CEP295: variants seen among roughly 807,000 people sequenced by gnomAD.
CEP295 encodes the protein centrosomal protein of 295 kDa.
Under a neutral mutation model 291.6 loss-of-function variants are expected in CEP295, and 190 were observed. The ratio of observed to expected loss-of-function variants is 0.65; its 90% confidence interval spans 0.58 to 0.73. The LOEUF (loss-of-function observed/expected upper bound fraction) is 0.73. CEP295 is among the 30% of genes least tolerant of loss of function. The pLI, the probability that CEP295 is intolerant of heterozygous loss-of-function variation, is 0.00. For synonymous variants in CEP295, 993 were observed against 1,038.8 expected, an observed-to-expected ratio of 0.96 and a Z score of 0.85; for missense variants, 2,863 against 2,949.4, an observed-to-expected ratio of 0.97 and a Z score of 0.68.
rs61738803 is a variant in CEP295 at position 93,729,731 on chromosome 11, A to C, written c.7517A>C (p.His2506Pro). The C allele has an allele frequency of 2.6e-6, 4 of 1,549,634 alleles. No individual in the cohort carries two copies. The highest frequency in any genetic ancestry group is 3.5e-6 in the Non-Finnish European group (4 of 1,145,546). ...CAGAAAGAAATAAGGAATAAAATTC[A>C]TGTCTCTGAAAATTCTCAAATCAAA... ...QRQKEIRNKIHVSENSQIKTV... is the reference protein window; with the variant it reads ...QRQKEIRNKIPVSENSQIKTV... The change falls in exon 27 of 30, where the codon CAT (histidine) becomes CCT (proline). Residue 2506 changes from histidine to proline, a missense_variant. Physicochemically the swap from His to Pro is moderately conservative, Grantham distance 77. Transcript: ENST00000325212.
intron 18 of CEP295, chr11:93,719,753 A>G (rs996557703): frequency 1.3e-5 from 2 of 152,204 alleles, no homozygotes; most frequent in Admixed American, 1.3e-4. Context: ...TGTTACATAA[A>G]CATTTAAGAA....
rs759511261 is a variant in CEP295, at chr11:93,666,584, ACT to A, written c.-26-95_-26-94del. On this transcript the variant is annotated intron_variant, in intron 1 of 29. Coordinates refer to ENST00000325212, the MANE Select transcript of CEP295 (RefSeq NM_033395.2). ...CCTCCAGCCTGGGTGACAGAGCAAG[ACT>A]CTGTCTCAAAAAAAAACAAACAAAA... 4 of 563,130 alleles carry A rather than the reference ACT, an allele frequency of 7.1e-6. No homozygotes were observed. In the South Asian group the frequency reaches 7.3e-5, roughly 10 times the overall value. The allele number at this position is 563,130 out of a possible 1,614,324, so 34.9% of individuals were successfully genotyped here.
chr11:93,684,134 A>T lies in CEP295; in HGVS notation c.1114+6A>T. ...ATGTTCTAGTGAAACAGATGGTAAA[A>T]ACCCTTCTGAGCTAAATATTACAGT... On this transcript the variant is annotated splice_donor_region_variant and intron_variant, in intron 9 of 29. Transcript: ENST00000325212. 6.5e-7 allele frequency: 1 copy of T among 1,549,870 alleles called. No individual in the cohort carries two copies. The highest frequency in any genetic ancestry group is 8.7e-7 in the Non-Finnish European group (1 of 1,146,118).
chr11:93,702,690 G>A (rs772554069), intron 16 of CEP295, 53 bp downstream of exon 16: 234 of 1,526,288 alleles, frequency 1.5e-4, no homozygotes, highest in Non-Finnish European at 1.8e-4. Context: ...CCTTGTTTTC[G>A]TCCCCTGTAG....
Position 93,696,424 on chromosome 11 carries a change from G to A in CEP295, c.1769+7G>A. 1.3e-6 allele frequency: 2 copies of A among 1,481,634 alleles called. No individual in the cohort carries two copies. Among genetic ancestry groups the A allele is most frequent in the Non-Finnish European group, 1.8e-6 (2 of 1,084,168 alleles). 91.8% of individuals were successfully genotyped at this position (1,481,634 alleles called of 1,614,324 possible). A position where few individuals can be genotyped will look rare whatever the true frequency, so the allele number is the denominator to read the frequency against. ...AGCTTTTACAACAAAACAGGTATTAGCTAGGGTATAATTTATATGTGATCG... is the reference window on the plus strand; with the variant it reads ...AGCTTTTACAACAAAACAGGTATTAACTAGGGTATAATTTATATGTGATCG... On this transcript the variant is annotated splice_region_variant and intron_variant, in intron 14 of 29. Transcript: ENST00000325212.
chr11:93,689,722 T>C (rs1444598283), intron 10 of CEP295, among the ~76,000 whole-genome samples: 2 of 152,196 alleles, frequency 1.3e-5, no homozygotes, highest in African/African-American at 4.8e-5. Context: ...TTTTGCTTAT[T>C]ATCTTAATGC....
At chr11:93,714,125 G>A (rs1953084190) in intron 18 of CEP295, among the ~76,000 whole-genome samples, 2 of 152,178 alleles carry the variant, frequency 1.3e-5, no homozygotes, top group Admixed American at 6.5e-5. Flanking sequence ...TGTCTGAAAT[G>A]TCACATATCT....
chr11:93,719,693 C>T (rs1333968100), intron 18 of CEP295: 2 of 152,012 alleles, frequency 1.3e-5, no homozygotes, highest in African/African-American at 4.8e-5. Context: ...CCTGTTCTCA[C>T]TACTGCACTT....
In CEP295 at chr11:93,724,326, T is replaced by TATC; in HGVS notation, c.6279_6281dup (p.Ser2095dup). On this transcript the variant is annotated inframe_insertion, in exon 22 of 30. Coordinates refer to ENST00000325212, the MANE Select transcript of CEP295 (RefSeq NM_033395.2). ...TTAGAACCACATCCAGATTTTGACT[T>TATC]ATCATCATCATCCTCTGGGATTTCT... 6.5e-7 allele frequency: 1 copy of TATC among 1,550,190 alleles called. No homozygotes were observed. The highest frequency in any genetic ancestry group is 8.7e-7 in the Non-Finnish European group (1 of 1,145,588).
At chr11:93,702,371 A>G in intron 15 of CEP295, 89 bp from the exon 16 acceptor site, 1 of 847,224 alleles carries the variant, frequency 1.2e-6, no homozygotes, top group Non-Finnish European at 1.7e-6. Context: ...TTTACGTTCT[A>G]ATTTAAGAAG....
intron 6 of CEP295, among the ~76,000 whole-genome samples, 195 bp downstream of exon 6, chr11:93,675,861 G>C (rs1177139572): frequency 6.6e-6 from 1 of 151,984 alleles, no homozygotes; most frequent in African/African-American, 2.4e-5. Flanking sequence ...AAAGAAACTA[G>C]TTGGCTATTT....
chr11:93,717,726 A>C (rs964688769), intron 18 of CEP295, among the ~76,000 whole-genome samples: 1 of 152,060 alleles, frequency 6.6e-6, no homozygotes, highest in African/African-American at 2.4e-5. Context: ...TGTGGTTACA[A>C]GGGGTCTCAT....
intron 10 of CEP295, 112 bp downstream of exon 10, chr11:93,687,977 G>C (rs1951328490): frequency 1.6e-6 from 1 of 641,328 alleles, no homozygotes; most frequent in South Asian, 3.1e-5. Flanking sequence ...ACATAATCCT[G>C]CTAATTAAAA....
intron 18 of CEP295, among the ~76,000 whole-genome samples, chr11:93,718,022 C>G (rs1953399921): frequency 3.3e-5 from 5 of 152,126 alleles, no homozygotes; most frequent in Non-Finnish European, 7.4e-5. Context: ...ATTGATCCTC[C>G]CACCTCAGCC....
chr11:93,693,687 T>G (rs185975655), intron 12 of CEP295, among the ~76,000 whole-genome samples: 1 of 151,936 alleles, frequency 6.6e-6, no homozygotes, highest in East Asian at 1.9e-4. Context: ...ACCCAAGAGG[T>G]GGAGGTTGCA....
At chr11:93,725,165 TG>T (rs1479205510) in intron 22 of CEP295, among the ~76,000 whole-genome samples, 1 of 151,790 alleles carries the variant, frequency 6.6e-6, no homozygotes, top group Non-Finnish European at 1.5e-5. Flanking sequence ...GAGAACCGCT[TG>T]AACCTGGGAG....
rs1404857599 is a variant in CEP295 at position 93,698,333 on chromosome 11, A to G, written c.3421A>G (p.Ile1141Val). Residue 1141 changes from isoleucine to valine, a missense_variant, in exon 15 of 30, where the codon ATA (isoleucine) becomes GTA (valine). Transcript: ENST00000325212. ...KENVGPSCHL[I>V]IPTFQDKSLS... is the part of the protein sequence containing the mutation. ...GAATGTAGGTCCCTCCTGTCATTTG[A>G]TAATCCCAACATTTCAGGATAAGTC... is the stretch of plus-strand genomic sequence containing the variant. 5.8e-6 allele frequency: 9 copies of G among 1,552,094 alleles called. No individual in the cohort carries two copies. The highest frequency in any genetic ancestry group is 7.8e-6 in the Non-Finnish European group (9 of 1,147,044).
At chr11:93,686,877 T>A (rs1951270356) in intron 9 of CEP295, among the ~76,000 whole-genome samples, 1 of 152,178 alleles carries the variant, frequency 6.6e-6, no homozygotes, top group Non-Finnish European at 1.5e-5. Flanking sequence ...CAATTGGAAT[T>A]TTTTTTAATA....
At chr11:93,686,009 A>T (rs1335542683) in intron 9 of CEP295, among the ~76,000 whole-genome samples, 1 of 147,156 alleles carries the variant, frequency 6.8e-6, no homozygotes, top group Non-Finnish European at 1.5e-5. Flanking sequence ...ATGCCCGGCC[A>T]GCAGTGTCTT....
Sources: gnomAD v4.1 joint callset for allele counts (sites outside exome capture counted in the v4.1 genomes callset) on GRCh38, gnomAD v4.1.1 for gene constraint, MANE v1.5 for transcripts, NCBI Gene and HGNC (gene_info 2026-07-23, HGNC 2026-07-21) for gene names.